The following KCNK2 variants were observed in gnomAD, a reference collection of about 807,000 sequenced individuals.
KCNK2 encodes the protein potassium two pore domain channel subfamily K member 2.
In KCNK2, 21 loss-of-function variants were observed where a neutral mutation model predicts 40.5. The observed-to-expected ratio is 0.52, with a 90% CI of 0.37 to 0.75. The LOEUF (loss-of-function observed/expected upper bound fraction) is 0.75. KCNK2 is among the 30% of genes least tolerant of loss of function. The pLI is 0.00. For synonymous variants in KCNK2, 191 were observed against 202.2 expected (o/e 0.94, Z 0.47); for missense variants, 399 against 531.6 (o/e 0.75, Z 2.45).
chr1:215,169,384 C>A, intron 4 of KCNK2, 25 bp downstream of exon 4: 2 of 1,532,848 alleles, frequency 1.3e-6, no homozygotes, highest in Non-Finnish European at 1.8e-6. Flanking sequence ...TATTTAACTA[C>A]GTATATTTAT....
Position 215,221,414 on chromosome 1 carries a change from C to A in KCNK2, c.964-13414C>A, listed in dbSNP as rs112683842. Among the ~76,000 whole-genome samples the A allele has an allele frequency of 6.9e-3, 1,054 of 151,998 alleles. 19 individuals are homozygous for A. The highest frequency in any genetic ancestry group is 0.064 in the South Asian group (309 of 4,816). On this transcript the variant is annotated intron_variant, in intron 6 of 6. Transcript: ENST00000444842. ...ACAAACAACGACAACAAAAAACACA[C>A]AAAAAAATACTAATAGGCTACTATT...
intron 1 of KCNK2, 60 bp from the exon 2 acceptor site, chr1:215,086,308 A>G (rs1659433668): frequency 1.4e-6 from 2 of 1,385,554 alleles, no homozygotes; most frequent in Non-Finnish European, 2.0e-6. Context: ...TTAAAGAAGA[A>G]GCCCGACCAA....
intron 1 of KCNK2, among the ~76,000 whole-genome samples, chr1:215,064,288 G>A (rs80064537): frequency 1.3e-5 from 2 of 151,848 alleles, no homozygotes; most frequent in South Asian, 2.1e-4. Context: ...ACAATTTTTT[G>A]TGCTATAATG....
At chr1:215,079,415 T>A (rs974703838), upstream of KCNK2, among the ~76,000 whole-genome samples, 1 of 152,210 alleles carries the variant, frequency 6.6e-6, no homozygotes, top group Non-Finnish European at 1.5e-5. Context: ...ACATCTTATA[T>A]GACTGGAGCA....
intron 4 of KCNK2, among the ~76,000 whole-genome samples, chr1:215,171,305 CTAGGGA>C (rs1354455399): frequency 6.6e-6 from 1 of 151,912 alleles, no homozygotes; most frequent in Non-Finnish European, 1.5e-5. Flanking sequence ...CAGCTATGGC[CTAGGGA>C]TATTGAAGAC....
chr1:215,182,702 C>G (rs149268360), intron 5 of KCNK2, among the ~76,000 whole-genome samples: 326 of 152,320 alleles, frequency 2.1e-3, no homozygotes, highest in Non-Finnish European at 3.6e-3. Flanking sequence ...ACTCCAGTCT[C>G]TGGCCCACGA....
intron 6 of KCNK2, among the ~76,000 whole-genome samples, chr1:215,203,226 A>G (rs1262990579): frequency 1.3e-5 from 2 of 152,228 alleles, no homozygotes; most frequent in East Asian, 3.8e-4. Context: ...GTGAAAAGAA[A>G]TGATTTGTAT....
At chr1:215,115,190 AC>A (rs1660875422) in intron 2 of KCNK2, among the ~76,000 whole-genome samples, 1 of 152,124 alleles carries the variant, frequency 6.6e-6, no homozygotes, top group Non-Finnish European at 1.5e-5. Context: ...AATTTTCATA[AC>A]CATTTCCCCT....
chr1:215,006,073 A>C (rs1656117311), intron 1 of KCNK2: 1 of 839,118 alleles, frequency 1.2e-6, no homozygotes, highest in African/African-American at 1.7e-5. Context: ...AAAGTCTATA[A>C]TTAAACTCAT....
At chr1:215,105,569 T>C (rs1397905963) in intron 2 of KCNK2, among the ~76,000 whole-genome samples, 2 of 152,104 alleles carry the variant, frequency 1.3e-5, no homozygotes, top group African/African-American at 4.8e-5. Context: ...TTTCAATTCT[T>C]TTATTTTTAA....
At chr1:215,046,038 C>G (rs1414402870) in intron 1 of KCNK2, among the ~76,000 whole-genome samples, 3 of 152,040 alleles carry the variant, frequency 2.0e-5, no homozygotes, top group Non-Finnish European at 4.4e-5. Context: ...TTCATGTAAC[C>G]GTGGAAAAAT....
intron 3 of KCNK2, among the ~76,000 whole-genome samples, chr1:215,131,679 C>G (rs1661688926): frequency 6.6e-6 from 1 of 151,826 alleles, no homozygotes; most frequent in African/African-American, 2.4e-5. Flanking sequence ...ATGCAAATAA[C>G]AAGAAGGCCA....
Position 215,113,037 on chromosome 1 carries a change from A to G in KCNK2, c.358-11596A>G, listed in dbSNP as rs1004968105. ...GTGATTTTATGTCTACTCAAAAATC[A>G]GTAAGCATAGAATATACTACAAATG... On this transcript the variant is annotated intron_variant, in intron 2 of 6. Transcript: ENST00000444842. Among the ~76,000 whole-genome samples the G allele has an allele frequency of 5.3e-5, 8 of 152,344 alleles. No homozygotes were observed. The East Asian group carries it at 1.4e-3, about 26-fold the overall frequency.
intron 2 of KCNK2, among the ~76,000 whole-genome samples, chr1:215,120,174 AT>A (rs1247559058): frequency 6.6e-6 from 1 of 152,184 alleles, no homozygotes; most frequent in Non-Finnish European, 1.5e-5. Flanking sequence ...CTTCTTTTGA[AT>A]TTAAATAATT....
At chr1:215,044,913 G>T (rs1192738048) in intron 1 of KCNK2, among the ~76,000 whole-genome samples, 1 of 152,082 alleles carries the variant, frequency 6.6e-6, no homozygotes, top group Non-Finnish European at 1.5e-5. Context: ...GCACACGCCT[G>T]TAATCCCAGC....
intron 1 of KCNK2, among the ~76,000 whole-genome samples, chr1:215,025,978 T>G (rs1346143871): frequency 1.1e-4 from 17 of 152,090 alleles, no homozygotes; most frequent in Admixed American, 9.8e-4. Context: ...AGCAGCAATG[T>G]AGAACATGCT....
rs1371907308 is a variant in KCNK2 at position 215,007,176 on chromosome 1, TGTGTGTGG to T, written c.34+1224_34+1231del. On this transcript the variant is annotated intron_variant, in intron 1 of 6. Transcript: ENST00000391895. ...ATATATGTATGTATATATATATGTA[TGTGTGTGG>T]GTATATATATATATATATATATATA... is the stretch of plus-strand genomic sequence containing the variant. Among the ~76,000 whole-genome samples, 26 of 72,522 alleles carry T rather than the reference TGTGTGTGG, an allele frequency of 3.6e-4. 1 individual carries two copies. The highest frequency in any genetic ancestry group is 7.0e-4 in the Admixed American group (4 of 5,696). 47.6% of individuals were successfully genotyped at this position (72,522 alleles called of 152,430 possible).
chr1:215,050,549 G>C (rs1203835093), intron 1 of KCNK2, among the ~76,000 whole-genome samples: 2 of 152,076 alleles, frequency 1.3e-5, no homozygotes, highest in Non-Finnish European at 1.5e-5. Flanking sequence ...CATACAGAGA[G>C]AGAAATAAAA....
At chr1:215,232,094 C>T (rs774236229) in intron 6 of KCNK2, among the ~76,000 whole-genome samples, 26 of 152,148 alleles carry the variant, frequency 1.7e-4, no homozygotes, top group Non-Finnish European at 2.5e-4. Flanking sequence ...CCAGTGTTTC[C>T]ACTTGCGGTA....
Sources: gnomAD v4.1 joint callset for allele counts (sites outside exome capture counted in the v4.1 genomes callset) on GRCh38, gnomAD v4.1.1 for gene constraint, MANE v1.5 for transcripts, NCBI Gene and HGNC (gene_info 2026-07-23, HGNC 2026-07-21) for gene names.